D2HGDH: variants seen among roughly 807,000 people sequenced by gnomAD.
D2HGDH encodes the protein D-2-hydroxyglutarate dehydrogenase, mitochondrial.
Under a neutral mutation model 46.9 loss-of-function variants are expected in D2HGDH, and 31 were observed. That is an observed-to-expected ratio of 0.66 (90% confidence interval 0.50 to 0.89). D2HGDH has a LOEUF of 0.89. D2HGDH is among the 40% of genes least tolerant of loss of function. The pLI is 0.00. For synonymous variants in D2HGDH, 364 were observed against 332.6 expected, an observed-to-expected ratio of 1.09 and a Z score of -1.03; for missense variants, 698 against 720.8, an observed-to-expected ratio of 0.97 and a Z score of 0.36.
chr2:241,762,237 A>C (rs1047486660), intron 9 of D2HGDH, among the ~76,000 whole-genome samples: 2 of 151,562 alleles, frequency 1.3e-5, no homozygotes, highest in African/African-American at 2.4e-5. Context: ...ACACCCGGCT[A>C]ATTTTTGCAT....
At chr2:241,739,328 T>G (rs1693795032) in intron 2 of D2HGDH, among the ~76,000 whole-genome samples, 1 of 152,238 alleles carries the variant, frequency 6.6e-6, no homozygotes, top group African/African-American at 2.4e-5. Flanking sequence ...AGTCGAAAGC[T>G]TTGCCATGAG....
intron 6 of D2HGDH, chr2:241,748,763 T>A: frequency 9.3e-7 from 1 of 1,076,910 alleles, no homozygotes; most frequent in Non-Finnish European, 1.2e-6. Context: ...CAGCCTTGAC[T>A]GCTTCTGCCG....
intron 8 of D2HGDH, chr2:241,755,317 A>C: frequency 7.7e-7 from 1 of 1,295,646 alleles, no homozygotes; most frequent in South Asian, 1.2e-5. Context: ...ATGCCCCTTG[A>C]GCTGCCTGGG....
intron 2 of D2HGDH, 73 bp downstream of exon 2, chr2:241,735,589 G>T (rs1279180687): frequency 1.3e-6 from 2 of 1,580,624 alleles, no homozygotes; most frequent in Non-Finnish European, 1.7e-6. Context: ...AGGCTTCAAA[G>T]CGGGCTGAGA....
intron 6 of D2HGDH, chr2:241,749,717 C>T (rs111305863): frequency 6.8e-4 from 227 of 332,672 alleles, no homozygotes; most frequent in African/African-American, 4.6e-3. Context: ...TGTGGTTCTT[C>T]GGCGCCTTCC....
intron 9 of D2HGDH, among the ~76,000 whole-genome samples, chr2:241,764,999 G>A (rs920299219): frequency 1.3e-5 from 2 of 152,232 alleles, no homozygotes; most frequent in African/African-American, 4.8e-5. Flanking sequence ...TGCCCTGGGG[G>A]CTCAGTGTGG....
chr2:241,762,566 T>TCAAA (rs1698925823), intron 9 of D2HGDH, among the ~76,000 whole-genome samples: 1 of 152,186 alleles, frequency 6.6e-6, no homozygotes, highest in Non-Finnish European at 1.5e-5. Flanking sequence ...CAGAGCCTCT[T>TCAAA]CAAACACCGT....
At position 241,749,091 on chromosome 2, in the gene D2HGDH, C is replaced by G. The variant is rs1575271751; in HGVS notation, c.854-1060C>G. On this transcript the variant is annotated intron_variant, in intron 6 of 9. Coordinates refer to ENST00000321264, the MANE Select transcript of D2HGDH (RefSeq NM_152783.5). ...CCAGTCAGCCCTGGCTCCTGCTCTCCTGCAGCTGGGGCGACTTCCGACGAG... is the reference window on the plus strand; with the variant it reads ...CCAGTCAGCCCTGGCTCCTGCTCTCGTGCAGCTGGGGCGACTTCCGACGAG... 8.9e-6 allele frequency: 9 copies of G among 1,015,736 alleles called. 3 individuals are homozygous for G. The Admixed American group carries it at 4.8e-4, about 54-fold the overall frequency. The allele number at this position is 1,015,736 out of a possible 1,614,324, so 62.9% of individuals were successfully genotyped here.
At chr2:241,749,687 C>T (rs1696773267) in intron 6 of D2HGDH, 3 of 327,512 alleles carry the variant, frequency 9.2e-6, no homozygotes, top group African/African-American at 2.2e-5. Context: ...CTCTGAGTCC[C>T]ACTGCCGTCT....
intron 6 of D2HGDH, 122 bp downstream of exon 6, chr2:241,744,999 G>T: frequency 4.5e-6 from 6 of 1,321,806 alleles, no homozygotes; most frequent in South Asian, 3.8e-5. Context: ...GTCGGTTCCC[G>T]TGTCTCCTGA....
Position 241,743,204 on chromosome 2 carries a change from CTG to C in D2HGDH, c.491-415_491-414del, listed in dbSNP as rs1694983404. 1.3e-5 allele frequency among the ~76,000 whole-genome samples: 2 copies of C among 152,338 alleles called. No homozygotes were observed. Among genetic ancestry groups the C allele is most frequent in the South Asian group, 2.1e-4 (1 of 4,834 alleles). On this transcript the variant is annotated intron_variant, in intron 4 of 9. Transcript: ENST00000321264. This position sits in a 1 kb window ranked among gnomAD's most constrained non-coding sequence, Gnocchi z 4.8. ...GGCCGGGCTCCAGGCCCCGGTCACTCTGTGGTCGGGCGCCTGCACTGTTGGGT... is the reference window on the plus strand; with the variant it reads ...GGCCGGGCTCCAGGCCCCGGTCACTCTGGTCGGGCGCCTGCACTGTTGGGT...
chr2:241,757,056 G>A (rs1359216671), intron 9 of D2HGDH, among the ~76,000 whole-genome samples: 1 of 152,230 alleles, frequency 6.6e-6, no homozygotes, highest in Non-Finnish European at 1.5e-5. Context: ...GTCTAGGGTT[G>A]TGTACGTGAC....
In D2HGDH at chr2:241,750,024, C is replaced by A. The variant is rs933191497; in HGVS notation, c.854-127C>A. 1.8e-5 allele frequency: 26 copies of A among 1,411,274 alleles called. No individual in the cohort carries two copies. The African/African-American group carries it at 3.5e-4, about 19-fold the overall frequency. 87.4% of individuals were successfully genotyped at this position (1,411,274 alleles called of 1,614,324 possible). The stretch of plus-strand genomic sequence containing the variant: ...GGCTGTTTGTTGCAGTGCCAGTCCT[C>A]GTGCTCCTCGTGGCTGCCCAGCTCA... On this transcript the variant is annotated intron_variant, in intron 6 of 9. Coordinates refer to ENST00000321264, the MANE Select transcript of D2HGDH (RefSeq NM_152783.5).
intron 1 of D2HGDH, 184 bp from the exon 2 acceptor site, chr2:241,734,949 T>A (rs1248560851): frequency 1.7e-5 from 7 of 401,892 alleles, no homozygotes; most frequent in East Asian, 1.2e-4. Flanking sequence ...AGCCTGCGCG[T>A]CGCTAAGTCC....
intron 2 of D2HGDH, among the ~76,000 whole-genome samples, chr2:241,736,400 AGT>A (rs1692826666): frequency 6.6e-6 from 1 of 151,208 alleles, no homozygotes; most frequent in Admixed American, 6.6e-5. Context: ...GGAGGCCAAA[AGT>A]GTGAAATCAG....
Position 241,767,877 on chromosome 2 carries a change from C to G in D2HGDH, c.1474C>G (p.Pro492Ala), listed in dbSNP as rs958941769. Residue 492 changes from proline to alanine, a missense_variant, in exon 10 of 10, where the codon CCG becomes GCG. By Grantham distance (27) the Pro-to-Ala change is conservative (BLOSUM62 -1). Transcript: ENST00000321264. The part of the protein sequence containing the change: ...KRDVLGYSKP[P>A]GALQLMQQLK... Reference sequence around the variant, plus strand: ...GGACGTCCTGGGCTACAGCAAGCCACCGGGGGCCCTGCAGCTCATGCAGCA... The same window carrying G: ...GGACGTCCTGGGCTACAGCAAGCCAGCGGGGGCCCTGCAGCTCATGCAGCA... 3.1e-6 allele frequency: 5 copies of G among 1,609,334 alleles called. No homozygotes were observed. Among genetic ancestry groups the G allele is most frequent in the South Asian group, 1.1e-5 (1 of 90,640 alleles).
intron 6 of D2HGDH, chr2:241,749,113 C>T (rs932134072): frequency 7.6e-5 from 71 of 934,368 alleles, no homozygotes; most frequent in African/African-American, 1.6e-4. Context: ...CGACTTCCGA[C>T]GAGGCACTCT....
intron 9 of D2HGDH, among the ~76,000 whole-genome samples, chr2:241,758,162 TTA>T (rs1698372757): frequency 6.6e-6 from 1 of 152,078 alleles, no homozygotes; most frequent in South Asian, 2.1e-4. Flanking sequence ...ATGAGTTTGT[TTA>T]TGTTTGGTGT....
At chr2:241,758,668 C>T (rs1243218027) in intron 9 of D2HGDH, among the ~76,000 whole-genome samples, 1 of 152,054 alleles carries the variant, frequency 6.6e-6, no homozygotes, top group Non-Finnish European at 1.5e-5. Flanking sequence ...CTCAGTACTT[C>T]AGGAAGCCAA....
Sources: allele counts gnomAD v4.1 joint callset (sites outside exome capture counted in the v4.1 genomes callset), GRCh38; gene constraint gnomAD v4.1.1; non-coding constraint Gnocchi (gnomAD v3.1); transcripts MANE v1.5; gene names NCBI Gene and HGNC (gene_info 2026-07-23, HGNC 2026-07-21).